FHIT: variants seen among roughly 807,000 people sequenced by gnomAD.
The protein encoded by FHIT is fragile histidine triad diadenosine triphosphatase, also known as bis(5'-adenosyl)-triphosphatase.
FHIT carries 19 observed loss-of-function variants against 17.9 expected under a neutral mutation model. The observed-to-expected ratio is 1.06, with a 90% CI of 0.74 to 1.56. The LOEUF (loss-of-function observed/expected upper bound fraction) is 1.56. FHIT is among the 40% of genes most tolerant of loss of function. The pLI is 0.00. For synonymous variants in FHIT, 81 were observed against 69.7 expected, an observed-to-expected ratio of 1.16 and a Z score of -0.81; for missense variants, 248 against 189.2, an observed-to-expected ratio of 1.31 and a Z score of -1.82.
intron 4 of FHIT, among the ~76,000 whole-genome samples, chr3:60,564,152 T>G (rs751009568): frequency 1.3e-5 from 2 of 152,106 alleles, no homozygotes; most frequent in African/African-American, 2.4e-5. Context: ...TGATACTACA[T>G]CAACTCTGCC....
chr3:60,425,398 T>C (rs1702624843), intron 5 of FHIT, among the ~76,000 whole-genome samples: 1 of 152,178 alleles, frequency 6.6e-6, no homozygotes, highest in Non-Finnish European at 1.5e-5. Context: ...CTCAACTCCA[T>C]GATTCTCTCC....
intron 2 of FHIT, among the ~76,000 whole-genome samples, chr3:61,055,236 T>C (rs1455300479): frequency 1.3e-5 from 2 of 152,160 alleles, no homozygotes; most frequent in Non-Finnish European, 2.9e-5. Flanking sequence ...GAAGAAAGAA[T>C]GCATGGATGA....
intron 8 of FHIT, among the ~76,000 whole-genome samples, chr3:59,753,110 T>TCACAGGCCACA (rs771654191): frequency 0.042 from 6,323 of 152,248 alleles, 235 homozygotes; most frequent in South Asian, 0.21. Flanking sequence ...AGGTGGCCTG[T>TCACAGGCCACA]GGTTTACCTC....
At chr3:60,615,918 A>G (rs1440157418) in intron 4 of FHIT, among the ~76,000 whole-genome samples, 1 of 152,220 alleles carries the variant, frequency 6.6e-6, no homozygotes, top group African/African-American at 2.4e-5. Context: ...TGGAAGAAAA[A>G]GAGATAAAGA....
intron 7 of FHIT, among the ~76,000 whole-genome samples, chr3:59,992,987 G>C (rs1349013139): frequency 2.0e-5 from 3 of 152,038 alleles, no homozygotes; most frequent in Non-Finnish European, 4.4e-5. Context: ...AGTCCAGGTC[G>C]TTAATGAAAT....
At chr3:61,005,317 C>A (rs1161730141) in intron 3 of FHIT, among the ~76,000 whole-genome samples, 1 of 152,006 alleles carries the variant, frequency 6.6e-6, no homozygotes, top group African/African-American at 2.4e-5. Flanking sequence ...GAAAAACTTG[C>A]TAAAAGCTAA....
intron 5 of FHIT, among the ~76,000 whole-genome samples, chr3:60,469,621 C>G (rs1188682379): frequency 6.6e-6 from 1 of 152,110 alleles, no homozygotes; most frequent in Non-Finnish European, 1.5e-5. Flanking sequence ...TCTGAAAGCT[C>G]ACATATCTCT....
intron 4 of FHIT, among the ~76,000 whole-genome samples, chr3:60,735,834 G>A (rs1577137957): frequency 6.6e-6 from 1 of 152,248 alleles, no homozygotes; most frequent in Non-Finnish European, 1.5e-5. Flanking sequence ...ATCACTTATA[G>A]CTTATTTTAT....
chr3:60,151,243 T>C (rs1700449331), intron 5 of FHIT, among the ~76,000 whole-genome samples: 1 of 152,176 alleles, frequency 6.6e-6, no homozygotes, highest in African/African-American at 2.4e-5. Context: ...CTAAAGTCAG[T>C]ACATAAATTA....
chr3:60,295,825 C>G (rs9853628), intron 5 of FHIT, among the ~76,000 whole-genome samples: 86,079 of 151,982 alleles, frequency 0.57, 25,677 homozygotes, highest in East Asian at 0.96. Context: ...ATGGTGCTAA[C>G]GCAGCTGGGC....
At chr3:59,908,554 T>C (rs1332082111) in intron 8 of FHIT, among the ~76,000 whole-genome samples, 1 of 152,010 alleles carries the variant, frequency 6.6e-6, no homozygotes, top group Non-Finnish European at 1.5e-5. Context: ...GGACCAAAGA[T>C]GCACACAAGG....
At chr3:60,524,330 A>G (rs1187889332) in intron 5 of FHIT, among the ~76,000 whole-genome samples, 1 of 152,206 alleles carries the variant, frequency 6.6e-6, no homozygotes, top group Non-Finnish European at 1.5e-5. Context: ...ATAATGGGAA[A>G]GACTATTCTG....
At chr3:60,381,349 GCAC>G (rs1700791413) in intron 5 of FHIT, among the ~76,000 whole-genome samples, 1 of 151,876 alleles carries the variant, frequency 6.6e-6, no homozygotes, top group Admixed American at 6.6e-5. Context: ...ATGGTGGTGG[GCAC>G]CTGTAATCCC....
At chr3:60,441,770 TTATATGTATAAAAATATATATATATA>T (rs2030864334) in intron 5 of FHIT, among the ~76,000 whole-genome samples, 1 of 42,556 alleles carries the variant, frequency 2.3e-5, no homozygotes, top group Non-Finnish European at 5.7e-5. Flanking sequence ...ATATATATAT[TTATATGTATAAAAATATATATATATA>T]TATATATATA....
intron 2 of FHIT, among the ~76,000 whole-genome samples, chr3:61,138,652 T>A (rs1040127919): frequency 2.0e-4 from 31 of 152,196 alleles, no homozygotes; most frequent in African/African-American, 7.2e-4. Context: ...CTGGGCCCCG[T>A]GGCTTGAAGT....
intron 5 of FHIT, among the ~76,000 whole-genome samples, chr3:60,351,194 C>G (rs758271556): frequency 2.0e-5 from 3 of 152,204 alleles, no homozygotes; most frequent in Non-Finnish European, 2.9e-5. Flanking sequence ...TATATAGCGA[C>G]AGCAAACTAA....
At chr3:60,018,578 G>C (rs138010787) in intron 5 of FHIT, among the ~76,000 whole-genome samples, 1 of 152,100 alleles carries the variant, frequency 6.6e-6, no homozygotes, top group African/African-American at 2.4e-5. Flanking sequence ...ATAACTGTCA[G>C]AGATCATCTC....
At chr3:60,690,193 TG>T in intron 4 of FHIT, 1 of 479,660 alleles carries the variant, frequency 2.1e-6, no homozygotes. Flanking sequence ...AGAAATGGTC[TG>T]GTGGTTAAGA....
At chr3:60,009,163 TTATGTGTGTGTGTGTG>T (rs1231776247) in intron 7 of FHIT, among the ~76,000 whole-genome samples, 2,464 of 128,848 alleles carry the variant, frequency 0.019, 55 homozygotes, top group African/African-American at 0.028. Flanking sequence ...CTCTGGGATT[TTATGTGTGTGTGTGTG>T]TGTGTGTGTG....
Sources: allele counts gnomAD v4.1 joint callset (sites outside exome capture counted in the v4.1 genomes callset), GRCh38; gene constraint gnomAD v4.1.1; transcripts MANE v1.5; gene names NCBI Gene and HGNC (gene_info 2026-07-23, HGNC 2026-07-21).